The following PHEX variants were observed in gnomAD, a reference collection of about 807,000 sequenced individuals.
PHEX encodes the protein phosphate regulating endopeptidase X-linked, also known as phosphate-regulating neutral endopeptidase PHEX.
Under a neutral mutation model 68.0 loss-of-function variants are expected in PHEX, and 16 were observed. That is an observed-to-expected ratio of 0.24 (90% CI 0.16 to 0.36). The LOEUF (loss-of-function observed/expected upper bound fraction) is 0.36. PHEX is among the 10% of genes least tolerant of loss of function. The pLI, the probability that PHEX is intolerant of heterozygous loss-of-function variation, is 1.00. For synonymous variants in PHEX, 208 were observed against 205.1 expected (o/e 1.01, Z -0.12); for missense variants, 480 against 575.5 (o/e 0.83, Z 1.70).
intron 15 of PHEX, 24 bp downstream of exon 15, chrX:22,190,526 T>G (rs1337810014): frequency 9.6e-7 from 1 of 1,036,643 alleles, no homozygotes; most frequent in Non-Finnish European, 1.4e-6. Context: ...CCTTGTCTCC[T>G]TGGTAACCTG....
intron 15 of PHEX, among the ~76,000 whole-genome samples, chrX:22,211,846 G>T (rs556754513): frequency 8.9e-6 from 1 of 111,841 alleles, no homozygotes; most frequent in Non-Finnish European, 1.9e-5. Context: ...TTTACATGGC[G>T]GCAGGCAAGA....
At chrX:22,133,418 C>A in intron 11 of PHEX, 105 bp from the exon 12 acceptor site, 1 of 576,852 alleles carries the variant, frequency 1.7e-6, no homozygotes, top group East Asian at 3.3e-5. Flanking sequence ...CCTTACTTAC[C>A]ATGTTGAGTA....
intron 11 of PHEX, among the ~76,000 whole-genome samples, chrX:22,116,773 A>G (rs4824225): frequency 0.35 from 38,354 of 110,236 alleles, 5,724 homozygotes; most frequent in African/African-American, 0.58. Context: ...AGCTGATTGA[A>G]CCACTGCCCA....
intron 11 of PHEX, among the ~76,000 whole-genome samples, chrX:22,128,901 C>A: frequency 9.7e-6 from 1 of 103,066 alleles, no homozygotes; most frequent in South Asian, 5.1e-4. Flanking sequence ...GTACTAAACT[C>A]TATATATACT....
intron 20 of PHEX, among the ~76,000 whole-genome samples, chrX:22,243,208 TG>T (rs993064284): frequency 5.4e-5 from 6 of 111,740 alleles, no homozygotes; most frequent in African/African-American, 2.0e-4. Context: ...TAAATGGTGT[TG>T]GGAAAACTGG....
chrX:22,138,449 C>T (rs5904613), intron 12 of PHEX, among the ~76,000 whole-genome samples: 29,969 of 111,218 alleles, frequency 0.27, 3,014 homozygotes, highest in Middle Eastern at 0.36. Flanking sequence ...TGTTAGGTAA[C>T]GTGATGGAGA....
intron 20 of PHEX, among the ~76,000 whole-genome samples, chrX:22,235,292 G>A (rs1166397572): frequency 8.9e-6 from 1 of 111,790 alleles, no homozygotes; most frequent in African/African-American, 3.3e-5. Flanking sequence ...GTTCCTATTT[G>A]GCCATCTTCT....
At chrX:22,084,282 C>T (rs930578675) in intron 5 of PHEX, among the ~76,000 whole-genome samples, 1 of 111,724 alleles carries the variant, frequency 9.0e-6, no homozygotes, top group African/African-American at 3.2e-5. Context: ...CCACTGCACC[C>T]AGCATATCAT....
intron 3 of PHEX, among the ~76,000 whole-genome samples, chrX:22,075,076 C>CAAAAA (rs34459808): frequency 1.1e-5 from 1 of 89,643 alleles, no homozygotes. Flanking sequence ...TACTCTGTTT[C>CAAAAA]AAAAAAAAAA....
chrX:22,179,591 A>G (rs1226060669), intron 14 of PHEX, among the ~76,000 whole-genome samples: 1 of 110,667 alleles, frequency 9.0e-6, no homozygotes, highest in Non-Finnish European at 1.9e-5. Context: ...GTGGTTTTCC[A>G]TTCCTAAGTT....
At chrX:22,243,902 T>C (rs1936308991) in intron 20 of PHEX, among the ~76,000 whole-genome samples, 1 of 111,896 alleles carries the variant, frequency 8.9e-6, no homozygotes, top group Admixed American at 9.4e-5. Context: ...GAACCAGAAA[T>C]ACCATTTGAC....
chrX:22,034,438 A>C (rs1457605965), intron 1 of PHEX, among the ~76,000 whole-genome samples: 1 of 112,630 alleles, frequency 8.9e-6, no homozygotes, highest in Admixed American at 9.5e-5. Context: ...AGGCCGTGGC[A>C]TATCGGTTGA....
Position 22,114,443 on chromosome X carries a change from A to G in PHEX, c.1174-15A>G, listed in dbSNP as rs1328820740. On this transcript the variant is annotated splice_polypyrimidine_tract_variant and intron_variant, in intron 10 of 21. Coordinates refer to ENST00000379374, the MANE Select transcript of PHEX (RefSeq NM_000444.6). ...ATCCAAATGAAGTTTAATCTGGATCAATTATCTCCCACAGGTAATCCAGGG... is the reference window on the plus strand; with the variant it reads ...ATCCAAATGAAGTTTAATCTGGATCGATTATCTCCCACAGGTAATCCAGGG... The G allele has an allele frequency of 1.7e-6, 2 of 1,201,771 alleles. No homozygotes were observed. The highest frequency in any genetic ancestry group is 1.1e-6 in the Non-Finnish European group (1 of 886,626).
Position 22,077,674 on chromosome X carries a change from A to T in PHEX, c.635A>T (p.Asp212Val). Residue 212 changes from aspartate (D) to valine (V), a missense_variant, in exon 5 of 22, where the codon GAC (aspartate) becomes GTC (valine). Coordinates refer to ENST00000379374, the MANE Select transcript of PHEX (RefSeq NM_000444.6). ...ATCCGTTTGTATGTGTCCCCTGATG[A>T]CAAAGCATCCAATGAACATATCTTG... The part of the protein sequence containing the change: ...VFIRLYVSPD[D>V]KASNEHILKL... 8.3e-7 allele frequency: 1 copy of T among 1,205,600 alleles called. No individual in the cohort carries two copies. Among genetic ancestry groups the T allele is most frequent in the Non-Finnish European group, 1.1e-6 (1 of 889,787 alleles).
intron 11 of PHEX, among the ~76,000 whole-genome samples, chrX:22,120,822 C>T: frequency 2.7e-5 from 3 of 112,089 alleles, no homozygotes; most frequent in African/African-American, 9.7e-5. Context: ...TTACCATTCT[C>T]TACTAAGGCG....
chrX:22,158,015 A>G (rs1008029119), intron 12 of PHEX, among the ~76,000 whole-genome samples: 1 of 112,059 alleles, frequency 8.9e-6, no homozygotes, highest in African/African-American at 3.2e-5. Context: ...TTTTATCAAG[A>G]GAATAAAATT....
intron 2 of PHEX, among the ~76,000 whole-genome samples, chrX:22,039,584 C>G (rs1438212210): frequency 1.8e-5 from 2 of 112,323 alleles, no homozygotes; most frequent in African/African-American, 6.5e-5. Context: ...GCAGTGTATC[C>G]TCAAGACAGT....
chrX:22,187,819 A>G (rs1052421092), intron 14 of PHEX, among the ~76,000 whole-genome samples: 4 of 112,088 alleles, frequency 3.6e-5, no homozygotes, highest in African/African-American at 1.3e-4. Flanking sequence ...TCGGTTTTGA[A>G]GAGAGAAGAG....
intron 3 of PHEX, among the ~76,000 whole-genome samples, chrX:22,074,977 T>C (rs976283730): frequency 3.0e-4 from 32 of 107,703 alleles, no homozygotes; most frequent in Non-Finnish European, 5.7e-4. Flanking sequence ...CTCGGGAGGC[T>C]GAGACAGGAG....
Sources: allele counts gnomAD v4.1 joint callset (sites outside exome capture counted in the v4.1 genomes callset), GRCh38; gene constraint gnomAD v4.1.1; transcripts MANE v1.5; gene names NCBI Gene and HGNC (gene_info 2026-07-23, HGNC 2026-07-21).